ANK2: variants seen among roughly 807,000 people sequenced by gnomAD.
ANK2 encodes the protein ankyrin-2.
Under a neutral mutation model 360.5 loss-of-function variants are expected in ANK2, and 83 were observed. The ratio of observed to expected loss-of-function variants is 0.23; its 90% CI spans 0.19 to 0.28. The LOEUF (loss-of-function observed/expected upper bound fraction) is 0.28, where lower values mean the gene tolerates loss of function less well. Among genes scored for constraint, ANK2 ranks in the 10% least tolerant of loss-of-function variants. The pLI, the probability that ANK2 is intolerant of heterozygous loss-of-function variation, is 1.00. For missense variants in ANK2, 4,201 were observed against 4,795.7 expected, an observed-to-expected ratio of 0.88 and a Z score of 3.66; for synonymous variants, 1,740 against 1,759.5, an observed-to-expected ratio of 0.99 and a Z score of 0.28.
intron 1 of ANK2, among the ~76,000 whole-genome samples, chr4:112,893,303 T>C (rs77939704): frequency 0.04 from 6,065 of 152,174 alleles, 350 homozygotes; most frequent in African/African-American, 0.13. Flanking sequence ...CACAGGTGCA[T>C]GCCACCACAC....
chr4:113,034,122 G>C (rs1254371844), intron 2 of ANK2: 1 of 151,926 alleles, frequency 6.6e-6, no homozygotes, highest in Non-Finnish European at 1.5e-5. Context: ...TTAAATATTG[G>C]AGTAGGAATA....
At chr4:113,285,627 C>T (rs67565176) in intron 18 of ANK2, among the ~76,000 whole-genome samples, 18,909 of 151,986 alleles carry the variant, frequency 0.12, 1,226 homozygotes, top group African/African-American at 0.15. Context: ...CCACCCTCCA[C>T]AAGGAAGCTC....
chr4:113,092,244 C>T (rs1190421217), intron 1 of ANK2, among the ~76,000 whole-genome samples: 1 of 152,156 alleles, frequency 6.6e-6, no homozygotes, highest in African/African-American at 2.4e-5. Context: ...GCAATCCATA[C>T]ACTACACAAC....
intron 1 of ANK2, among the ~76,000 whole-genome samples, chr4:112,895,848 G>A (rs1201489060): frequency 2.6e-5 from 4 of 152,134 alleles, no homozygotes; most frequent in Admixed American, 2.6e-4. Flanking sequence ...AGTGTTCTTG[G>A]TTGACAGTAA....
At chr4:113,270,838 T>A (rs1563309510) in intron 14 of ANK2, among the ~76,000 whole-genome samples, 1 of 152,222 alleles carries the variant, frequency 6.6e-6, no homozygotes, top group Non-Finnish European at 1.5e-5. Flanking sequence ...GTTAGGGTTT[T>A]CCTATTCATA....
chr4:112,726,544 A>G, the ANK2 span, among the ~76,000 whole-genome samples: 1 of 152,044 alleles, frequency 6.6e-6, no homozygotes, highest in East Asian at 1.9e-4. Flanking sequence ...TTCAAGTTGC[A>G]GAATGAATGC....
At chr4:113,109,295 TTC>T (rs1186148797) in intron 1 of ANK2, among the ~76,000 whole-genome samples, 1 of 152,326 alleles carries the variant, frequency 6.6e-6, no homozygotes, top group East Asian at 1.9e-4. Flanking sequence ...ATAGATCTGT[TTC>T]TCTCTTTTGT....
intron 1 of ANK2, among the ~76,000 whole-genome samples, chr4:113,076,343 G>T (rs2079964907): frequency 6.6e-6 from 1 of 152,210 alleles, no homozygotes; most frequent in South Asian, 2.1e-4. Flanking sequence ...GTATTCTTAG[G>T]AATTTACTAT....
exon 2 of ANK2, chr4:112,904,506 T>C: frequency 6.6e-7 from 1 of 1,504,212 alleles, no homozygotes; most frequent in South Asian, 1.3e-5. Context: ...GACCACCATG[T>C]TGCAAAAGGT....
At chr4:112,927,147 C>T (rs1377658917) in intron 2 of ANK2, among the ~76,000 whole-genome samples, 2 of 152,174 alleles carry the variant, frequency 1.3e-5, no homozygotes, top group African/African-American at 4.8e-5. Flanking sequence ...CACCTTTGAC[C>T]TGTGGGGATT....
chr4:112,838,784 G>T (rs79565237), intron 1 of ANK2, among the ~76,000 whole-genome samples: 19,714 of 152,268 alleles, frequency 0.13, 2,039 homozygotes, highest in East Asian at 0.5. Flanking sequence ...CAGGAGAATA[G>T]CTTGAACCTG....
intron 1 of ANK2, among the ~76,000 whole-genome samples, chr4:113,150,845 A>C (rs569496481): frequency 6.6e-6 from 1 of 152,338 alleles, no homozygotes; most frequent in East Asian, 1.9e-4. Flanking sequence ...GATTATCAAG[A>C]GATTCATAAG....
At chr4:113,130,832 T>C (rs2095977651) in intron 1 of ANK2, among the ~76,000 whole-genome samples, 1 of 152,316 alleles carries the variant, frequency 6.6e-6, no homozygotes, top group African/African-American at 2.4e-5. Flanking sequence ...GTTAATCTCC[T>C]GAATCAAACC....
rs1488581536 is a variant in ANK2 at position 113,359,086 on chromosome 4, G to T, written c.10468G>T (p.Asp3490Tyr). 1.3e-5 allele frequency: 21 copies of T among 1,613,924 alleles called. No individual in the cohort carries two copies. Among genetic ancestry groups the T allele is most frequent in the Non-Finnish European group, 1.7e-5 (20 of 1,179,962 alleles). Residue 3490 changes from aspartate to tyrosine, a missense_variant, in exon 38 of 46, where the codon GAT becomes TAT. Physicochemically the swap from Asp to Tyr is radical, Grantham distance 160. Around this residue, in one of 4 missense-constraint regions of ANK2, gnomAD observed 2,642 missense variants for 2,714.5 expected, o/e 0.97. Transcript: ENST00000357077. ...EISDEASKLV[D>Y]RLTQSEREQE... ...TAGTGATGAGGCTTCCAAATTAGTG[G>T]ATAGGCTGACACAGTCAGAGAGGGA...
chr4:112,723,798 T>C, the ANK2 span, among the ~76,000 whole-genome samples: 50 of 152,336 alleles, frequency 3.3e-4, no homozygotes, highest in African/African-American at 1.2e-3. Context: ...AGTTAGATGA[T>C]GATCACAGGA....
chr4:112,739,564 A>C, the ANK2 span, among the ~76,000 whole-genome samples: 4 of 152,148 alleles, frequency 2.6e-5, no homozygotes, highest in African/African-American at 9.7e-5. Context: ...CAGTGAGCTG[A>C]GATTGCACTA....
At chr4:112,757,999 G>T in the ANK2 span, among the ~76,000 whole-genome samples, 1 of 152,076 alleles carries the variant, frequency 6.6e-6, no homozygotes, top group South Asian at 2.1e-4. Flanking sequence ...CACTTCTCGG[G>T]TTCAAGCGAT....
intron 39 of ANK2, 148 bp from the exon 40 acceptor site, chr4:113,363,190 A>T (rs962686062): frequency 1.1e-5 from 8 of 761,492 alleles, no homozygotes; most frequent in East Asian, 2.9e-5. Flanking sequence ...ACAAAGGCAT[A>T]TAAGAGTCAC....
chr4:113,017,039 G>A (rs2056831289), intron 2 of ANK2, among the ~76,000 whole-genome samples: 1 of 152,088 alleles, frequency 6.6e-6, no homozygotes, highest in Non-Finnish European at 1.5e-5. Context: ...TTAGAAATGT[G>A]GTATACCACA....
Sources: allele counts gnomAD v4.1 joint callset (sites outside exome capture counted in the v4.1 genomes callset), GRCh38; gene constraint gnomAD v4.1.1; regional missense constraint gnomAD v4.1.1; transcripts MANE v1.5; gene names NCBI Gene and HGNC (gene_info 2026-07-23, HGNC 2026-07-21).